SCARA5: variants seen among roughly 807,000 people sequenced by gnomAD.
SCARA5 encodes the protein scavenger receptor class A member 5.
Under a neutral mutation model 46.3 loss-of-function variants are expected in SCARA5, and 45 were observed. The ratio of observed to expected loss-of-function variants is 0.97; its 90% CI spans 0.76 to 1.24. The LOEUF (loss-of-function observed/expected upper bound fraction) is 1.24. Among genes scored for constraint, SCARA5 ranks in the 50% most tolerant of loss-of-function variants. SCARA5 has a pLI of 0.00. For synonymous variants in SCARA5, 333 were observed against 306.5 expected (o/e 1.09, Z -0.90); for missense variants, 680 against 689.0 (o/e 0.99, Z 0.15).
At chr8:27,931,043 T>A (rs1807764670) in intron 3 of SCARA5, among the ~76,000 whole-genome samples, 1 of 152,244 alleles carries the variant, frequency 6.6e-6, no homozygotes, top group Admixed American at 6.5e-5. Context: ...TTGCATTTAC[T>A]GAGGTCTGGA....
chr8:27,958,924 T>C (rs1344338308), intron 3 of SCARA5, among the ~76,000 whole-genome samples: 2 of 152,144 alleles, frequency 1.3e-5, no homozygotes, highest in Non-Finnish European at 1.5e-5. Flanking sequence ...TGTATCACTA[T>C]GAGTGTCACT....
rs138134999 is a variant in SCARA5, at chr8:27,884,313, G to C, written c.1154-4547C>G. Among the ~76,000 whole-genome samples, 5 of 152,232 alleles carry C rather than the reference G, an allele frequency of 3.3e-5. 1 individual carries two copies. The highest frequency in any genetic ancestry group is 7.3e-5 in the Non-Finnish European group (5 of 68,034). ...CTGGAGAAGAAAAACATGGAGAAGA[G>C]CTGGAATTCAGAGGCTGGGTCTGAC... On this transcript the variant is annotated intron_variant, in intron 7 of 8. Coordinates refer to ENST00000354914, the MANE Select transcript of SCARA5 (RefSeq NM_173833.6).
chr8:27,872,709 C>T (rs1309980609), intron 8 of SCARA5, among the ~76,000 whole-genome samples: 2 of 152,234 alleles, frequency 1.3e-5, no homozygotes, highest in South Asian at 4.1e-4. Flanking sequence ...GAAGACACAT[C>T]GGTTTACAAA....
chr8:27,974,778 C>T (rs1224318435), intron 2 of SCARA5, among the ~76,000 whole-genome samples: 3 of 147,348 alleles, frequency 2.0e-5, no homozygotes, highest in African/African-American at 7.6e-5. Flanking sequence ...GAAGCAGGGG[C>T]ACTGCCACCG....
chr8:27,957,105 T>C (rs1585512707), intron 3 of SCARA5, among the ~76,000 whole-genome samples: 1 of 151,804 alleles, frequency 6.6e-6, no homozygotes, highest in Non-Finnish European at 1.5e-5. Context: ...GACAGGGAGG[T>C]GCAAAGCTGC....
intron 2 of SCARA5, among the ~76,000 whole-genome samples, chr8:27,970,696 C>T (rs998102318): frequency 6.6e-6 from 1 of 152,136 alleles, no homozygotes; most frequent in African/African-American, 2.4e-5. Flanking sequence ...CACCGGCTCA[C>T]CCTGGAATTC....
At chr8:27,900,649 T>G (rs1016726717) in intron 7 of SCARA5, among the ~76,000 whole-genome samples, 4 of 152,164 alleles carry the variant, frequency 2.6e-5, no homozygotes, top group African/African-American at 9.7e-5. Flanking sequence ...TGCTTTAAAT[T>G]CATGCTGTGG....
intron 7 of SCARA5, among the ~76,000 whole-genome samples, chr8:27,889,936 G>A (rs1806956095): frequency 6.6e-6 from 1 of 152,164 alleles, no homozygotes; most frequent in African/African-American, 2.4e-5. Flanking sequence ...TGCATTATCT[G>A]TATTAATTCT....
intron 2 of SCARA5, among the ~76,000 whole-genome samples, chr8:27,972,835 T>C (rs1335597740): frequency 6.6e-6 from 1 of 152,096 alleles, no homozygotes; most frequent in Non-Finnish European, 1.5e-5. Flanking sequence ...CACTCCAGCC[T>C]GAGTGGCAGA....
chr8:27,888,148 C>T lies in SCARA5; in HGVS notation c.1154-8382G>A, dbSNP rs548708761. Among the ~76,000 whole-genome samples the T allele has an allele frequency of 3.3e-5, 5 of 152,232 alleles. No homozygotes were observed. In the South Asian group the frequency reaches 6.2e-4, roughly 19 times the overall value. The stretch of plus-strand genomic sequence containing the variant: ...CTCGGCTCACTACAACCTCTGTCCC[C>T]CAGGCTCAAGCCATTCTCTCCCGCC... On this transcript the variant is annotated intron_variant, in intron 7 of 8. Transcript: ENST00000354914.
At chr8:27,874,384 A>G (rs1396491393) in intron 8 of SCARA5, among the ~76,000 whole-genome samples, 1 of 152,258 alleles carries the variant, frequency 6.6e-6, no homozygotes, top group African/African-American at 2.4e-5. Flanking sequence ...CGGCCAGTAC[A>G]GTCTTTTCTC....
chr8:27,901,163 C>G lies in SCARA5; in HGVS notation c.1153+3615G>C, dbSNP rs890917075. 3.9e-5 allele frequency among the ~76,000 whole-genome samples: 6 copies of G among 152,174 alleles called. No homozygotes were observed. In the South Asian group the frequency reaches 6.2e-4, roughly 16 times the overall value. ...GTCCTGAGAAGCCTTCTGTGGCATG[C>G]CCTCCTCCAGGGAAAACCCCCAACT... On this transcript the variant is annotated intron_variant, in intron 7 of 8. Transcript: ENST00000354914.
At chr8:27,939,568 C>T (rs1807909579) in intron 3 of SCARA5, among the ~76,000 whole-genome samples, 2 of 152,288 alleles carry the variant, frequency 1.3e-5, no homozygotes, top group Non-Finnish European at 2.9e-5. Flanking sequence ...CACTGTGATG[C>T]CCCTCCATAT....
chr8:27,938,433 G>A (rs935380459), intron 3 of SCARA5, among the ~76,000 whole-genome samples: 1 of 152,150 alleles, frequency 6.6e-6, no homozygotes, highest in Non-Finnish European at 1.5e-5. Flanking sequence ...TTTCTAGAAA[G>A]GGGCCCTCAA....
intron 4 of SCARA5, among the ~76,000 whole-genome samples, chr8:27,911,097 A>G (rs1347900687): frequency 6.6e-6 from 1 of 151,994 alleles, no homozygotes; most frequent in Non-Finnish European, 1.5e-5. Flanking sequence ...TAGTGAGCCC[A>G]TGAGCCCTCC....
intron 5 of SCARA5, among the ~76,000 whole-genome samples, 175 bp from the exon 6 acceptor site, chr8:27,907,421 T>C (rs1807282182): frequency 6.6e-6 from 1 of 152,142 alleles, no homozygotes; most frequent in South Asian, 2.1e-4. Context: ...GAGGTCCACA[T>C]GGACCCTCCC....
rs1183161447 is a variant in SCARA5, at chr8:27,879,664, T to C, written c.1256A>G (p.Asp419Gly). The change falls in exon 8 of 9, where the codon GAC becomes GGC. Residue 419 changes from aspartate (D) to glycine (G), a missense_variant. Physicochemically the swap from Asp to Gly is moderately conservative, Grantham distance 94. Coordinates refer to ENST00000354914, the MANE Select transcript of SCARA5 (RefSeq NM_173833.6). ...YHDRRWGTVC[D>G]DGWDKKDGDV... ...TCCGTCCTTCTTGTCCCAGCCGTCG[T>C]CACACACGGTGCCCCAACGCCGGTC... 8 of 1,612,916 alleles carry C rather than the reference T, an allele frequency of 5.0e-6. No individual in the cohort carries two copies. The highest frequency in any genetic ancestry group is 6.8e-6 in the Non-Finnish European group (8 of 1,180,010).
chr8:27,986,670 G>C (rs1808710195), intron 2 of SCARA5, among the ~76,000 whole-genome samples: 1 of 152,190 alleles, frequency 6.6e-6, no homozygotes, highest in African/African-American at 2.4e-5. Context: ...CTTGTGGGAG[G>C]AATGCAGGGT....
Position 27,987,168 on chromosome 8 carries a change from C to T in SCARA5, c.112+336G>A, listed in dbSNP as rs146992126. On this transcript the variant is annotated intron_variant, in intron 2 of 8. Coordinates refer to ENST00000354914, the MANE Select transcript of SCARA5 (RefSeq NM_173833.6). ...ACCTGAGAGGGTCTGCACTGACTGGCTCAGAGGCCCTTGCCTGACCCGAGT... is the reference window on the plus strand; with the variant it reads ...ACCTGAGAGGGTCTGCACTGACTGGTTCAGAGGCCCTTGCCTGACCCGAGT... Among the ~76,000 whole-genome samples, 507 of 152,312 alleles carry T rather than the reference C, an allele frequency of 3.3e-3. 5 individuals carry two copies. The highest frequency in any genetic ancestry group is 0.011 in the African/African-American group (477 of 41,568).
Sources: gnomAD v4.1 joint callset for allele counts (sites outside exome capture counted in the v4.1 genomes callset) on GRCh38, gnomAD v4.1.1 for gene constraint, MANE v1.5 for transcripts, NCBI Gene and HGNC (gene_info 2026-07-23, HGNC 2026-07-21) for gene names.